The following TEX9 variants were observed in gnomAD, a reference collection of about 807,000 sequenced individuals.
TEX9 encodes the protein testis expressed 9, also known as testis-expressed protein 9.
A neutral mutation model predicts 59.6 loss-of-function variants in TEX9; 74 were observed. The ratio of observed to expected loss-of-function variants is 1.24; its 90% CI spans 1.03 to 1.51. The LOEUF is 1.51. TEX9 is among the 40% of genes most tolerant of loss of function. The pLI is 0.00. For synonymous variants in TEX9, 186 were observed against 152.2 expected, an observed-to-expected ratio of 1.22 and a Z score of -1.64; for missense variants, 522 against 447.8, an observed-to-expected ratio of 1.17 and a Z score of -1.49.
chr15:56,315,375 G>C (rs2045730298), intron 1 of TEX9, among the ~76,000 whole-genome samples: 1 of 147,926 alleles, frequency 6.8e-6, no homozygotes, highest in Admixed American at 7.0e-5. Context: ...GCATTTGCTT[G>C]TCTGTAAAGT....
chr15:56,362,045 T>C (rs1177536417), upstream of TEX9, among the ~76,000 whole-genome samples: 3 of 152,192 alleles, frequency 2.0e-5, no homozygotes, highest in Admixed American at 1.3e-4. Context: ...TATATTCTTT[T>C]AAATTTATTA....
At chr15:56,337,628 A>G (rs1199324847) in intron 1 of TEX9, among the ~76,000 whole-genome samples, 1 of 152,216 alleles carries the variant, frequency 6.6e-6, no homozygotes. Context: ...TTCATTATAG[A>G]TGAACTTCCC....
At chr15:56,378,292 G>T (rs1236054691) in intron 3 of TEX9, among the ~76,000 whole-genome samples, 3 of 152,074 alleles carry the variant, frequency 2.0e-5, no homozygotes, top group Non-Finnish European at 4.4e-5. Flanking sequence ...GAGTTGGTTT[G>T]GTATTAGTTC....
At chr15:56,248,916 A>G (rs746104523) in intron 1 of TEX9, 1 of 152,256 alleles carries the variant, frequency 6.6e-6, no homozygotes, top group Non-Finnish European at 1.5e-5. Context: ...GGCCTAACCA[A>G]TAATTCACAA....
intron 2 of TEX9, 82 bp downstream of exon 2, chr15:56,365,752 G>C: frequency 1.3e-6 from 2 of 1,570,356 alleles, no homozygotes; most frequent in Non-Finnish European, 1.7e-6. Context: ...CTGGAGACTG[G>C]CTGGATCTTC....
chr15:56,370,162 C>G (rs995555050), intron 2 of TEX9, among the ~76,000 whole-genome samples: 3 of 151,910 alleles, frequency 2.0e-5, no homozygotes, highest in African/African-American at 7.3e-5. Flanking sequence ...GTCTTTGGTT[C>G]TTGTCTGTCT....
chr15:56,443,984 A>T, intron 12 of TEX9: 1 of 719,272 alleles, frequency 1.4e-6, no homozygotes, highest in Non-Finnish European at 2.2e-6. Context: ...AACATTTTGA[A>T]TGCTTACTGT....
At chr15:56,295,876 G>A in intron 1 of TEX9, among the ~76,000 whole-genome samples, 1 of 152,178 alleles carries the variant, frequency 6.6e-6, no homozygotes, top group East Asian at 1.9e-4. Flanking sequence ...CTAACAGCCT[G>A]CTCTTGAGGG....
intron 9 of TEX9, chr15:56,409,925 A>G (rs2049269410): frequency 1.3e-5 from 2 of 152,240 alleles, no homozygotes; most frequent in South Asian, 4.1e-4. Flanking sequence ...GATAGTCCTT[A>G]ACACTGCCAG....
At chr15:56,253,585 C>A (rs1596043808) in intron 1 of TEX9, among the ~76,000 whole-genome samples, 1 of 152,248 alleles carries the variant, frequency 6.6e-6, no homozygotes, top group African/African-American at 2.4e-5. Flanking sequence ...TTTCTAGCTA[C>A]TCTCAGAAGG....
chr15:56,436,865 A>C (rs1354159489), intron 12 of TEX9, among the ~76,000 whole-genome samples: 2 of 152,186 alleles, frequency 1.3e-5, no homozygotes, highest in African/African-American at 4.8e-5. Flanking sequence ...GAAATGGATA[A>C]ATTCCTGGAC....
chr15:56,251,830 C>G (rs1173692270), intron 1 of TEX9, among the ~76,000 whole-genome samples: 1 of 152,072 alleles, frequency 6.6e-6, no homozygotes, highest in African/African-American at 2.4e-5. Context: ...TGGGGAAATT[C>G]AGGATAACCA....
chr15:56,396,570 T>TTTG (rs1164282074), intron 9 of TEX9: 1 of 149,364 alleles, frequency 6.7e-6, no homozygotes, highest in Non-Finnish European at 1.5e-5. Flanking sequence ...TTGAATCTGT[T>TTTG]TTTTTTTTTT....
Position 56,388,453 on chromosome 15 carries a change from G to A in TEX9, c.264-19G>A. 6.3e-7 allele frequency: 1 copy of A among 1,592,634 alleles called. No individual in the cohort carries two copies. Among genetic ancestry groups the A allele is most frequent in the South Asian group, 1.1e-5 (1 of 90,172 alleles). On this transcript the variant is annotated intron_variant, in intron 4 of 12. Transcript: ENST00000352903. The stretch of plus-strand genomic sequence containing the variant: ...GTGTCATCTATTATTAATGTATAAT[G>A]TTTATTTTTGGCCTGTAGAGGTCTG...
intron 12 of TEX9, among the ~76,000 whole-genome samples, chr15:56,439,180 A>G (rs1017682591): frequency 6.6e-6 from 1 of 152,174 alleles, no homozygotes; most frequent in Non-Finnish European, 1.5e-5. Flanking sequence ...TCCATTTACG[A>G]TTGCTCAAAA....
intron 1 of TEX9, among the ~76,000 whole-genome samples, chr15:56,300,708 GGAGAGAGA>G (rs60361737): frequency 0.022 from 2,305 of 102,654 alleles, 41 homozygotes; most frequent in East Asian, 0.09. Flanking sequence ...AGAGAGAGAG[GGAGAGAGA>G]GAGAGAGAGA....
intron 1 of TEX9, among the ~76,000 whole-genome samples, chr15:56,272,381 A>AT (rs2044556766): frequency 6.6e-6 from 1 of 152,078 alleles, no homozygotes; most frequent in Non-Finnish European, 1.5e-5. Flanking sequence ...CATGTGGCCT[A>AT]TTGTGTCTGT....
At chr15:56,318,904 G>T (rs1251763579) in intron 1 of TEX9, among the ~76,000 whole-genome samples, 1 of 151,956 alleles carries the variant, frequency 6.6e-6, no homozygotes, top group African/African-American at 2.4e-5. Flanking sequence ...TTATGCAGTT[G>T]TTAAGAGACT....
chr15:56,279,839 T>A (rs1221738024), intron 1 of TEX9, among the ~76,000 whole-genome samples: 6 of 152,206 alleles, frequency 3.9e-5, no homozygotes, highest in Non-Finnish European at 8.8e-5. Context: ...CACAAAATTT[T>A]AAAAATGTGG....
Sources: allele counts gnomAD v4.1 joint callset (sites outside exome capture counted in the v4.1 genomes callset), GRCh38; gene constraint gnomAD v4.1.1; transcripts MANE v1.5; gene names NCBI Gene and HGNC (gene_info 2026-07-23, HGNC 2026-07-21).